CELF5: variants seen among roughly 807,000 people sequenced by gnomAD.
CELF5 encodes CUG-BP and ETR-3 like factor 5.
In CELF5, 6 loss-of-function variants were observed where a neutral mutation model predicts 54.9. That is an observed-to-expected ratio of 0.11 (90% CI 0.06 to 0.22). The LOEUF is 0.22. Among genes scored for constraint, CELF5 ranks in the 10% least tolerant of loss-of-function variants. The pLI is 1.00. For synonymous variants in CELF5, 271 were observed against 290.9 expected (o/e 0.93, Z 0.70); for missense variants, 401 against 678.6 (o/e 0.59, Z 4.54).
intron 2 of CELF5, among the ~76,000 whole-genome samples, chr19:3,255,110 C>G (rs1397153886): frequency 6.6e-6 from 1 of 152,168 alleles, no homozygotes; most frequent in Non-Finnish European, 1.5e-5. Flanking sequence ...GACTGGTCAC[C>G]TCCTGAGTGA....
rs1329467909 is a variant in CELF5, at chr19:3,282,314, C to A, written c.893-38C>A. ...AAGGATGGGTGGGCAGGGCTGGAGC[C>A]AGAACTGGCCTCCCCATGACCCTCT... On this transcript the variant is annotated intron_variant, in intron 7 of 12. Coordinates refer to ENST00000292672, the MANE Select transcript of CELF5 (RefSeq NM_021938.4). The surrounding 1 kb of genome is among the most constrained non-coding windows in gnomAD (Gnocchi z 5.2). 1.2e-6 allele frequency: 2 copies of A among 1,608,576 alleles called. No homozygotes were observed. The highest frequency in any genetic ancestry group is 3.3e-5 in the Admixed American group (2 of 60,010).
chr19:3,274,732 G>C (rs543152090), intron 3 of CELF5, among the ~76,000 whole-genome samples: 17 of 152,268 alleles, frequency 1.1e-4, no homozygotes, highest in Non-Finnish European at 2.4e-4. Context: ...GCCAGATTTG[G>C]TTGAGTGGAG....
At chr19:3,227,676 T>TC (rs1313841858) in intron 1 of CELF5, among the ~76,000 whole-genome samples, 1 of 152,004 alleles carries the variant, frequency 6.6e-6, no homozygotes, top group Non-Finnish European at 1.5e-5. Flanking sequence ...TTGTTTGATT[T>TC]CCCCATGGAA....
At position 3,290,525 on chromosome 19, in the gene CELF5, C is replaced by T. The variant is rs540598323; in HGVS notation, c.1330+151C>T. ...TGTGGCCGGGCACAGTGGATCACGC[C>T]TGTGATCCCAGCACTTTGTTTGTTT... is the stretch of plus-strand genomic sequence containing the variant. On this transcript the variant is annotated intron_variant, in intron 11 of 12. Transcript: ENST00000292672. 1.3e-5 allele frequency: 10 copies of T among 758,280 alleles called. No homozygotes were observed. In the African/African-American group the frequency reaches 1.8e-4, roughly 13 times the overall value. 47.0% of individuals were successfully genotyped at this position (758,280 alleles called of 1,614,324 possible). A position where few individuals can be genotyped will look rare whatever the true frequency, so the allele number is the denominator to read the frequency against.
chr19:3,284,881 A>C, intron 8 of CELF5, 21 bp from the exon 9 acceptor site: 1 of 1,611,530 alleles, frequency 6.2e-7, no homozygotes, highest in Non-Finnish European at 8.5e-7. Flanking sequence ...CGCCCCACTC[A>C]GCCCCTCTGT....
chr19:3,296,434 G>GAAAAAAAAAAAA (rs5826810), intron 12 of CELF5: 512 of 54,276 alleles, frequency 9.4e-3, no homozygotes, highest in Non-Finnish European at 9.8e-3. Context: ...AAACCACACA[G>GAAAAAAAAAAAA]AAAAAAAAAA....
At chr19:3,234,086 A>G (rs1917404780) in intron 1 of CELF5, among the ~76,000 whole-genome samples, 1 of 152,132 alleles carries the variant, frequency 6.6e-6, no homozygotes, top group Admixed American at 6.5e-5. Context: ...ACCCTCCACT[A>G]GGGGGAAGGA....
chr19:3,266,410 G>A (rs2079882726), intron 2 of CELF5, among the ~76,000 whole-genome samples: 1 of 151,162 alleles, frequency 6.6e-6, no homozygotes, highest in Non-Finnish European at 1.5e-5. Flanking sequence ...GTGACAGAGT[G>A]AGACCCAGTA....
intron 1 of CELF5, among the ~76,000 whole-genome samples, chr19:3,240,823 GCCT>G (rs1288400755): frequency 1.3e-5 from 2 of 152,016 alleles, no homozygotes. Context: ...GTCAGGCTCT[GCCT>G]CCTCCTAGCA....
chr19:3,278,433 G>C lies in CELF5; in HGVS notation c.603+323G>C, dbSNP rs1440479984. Among the ~76,000 whole-genome samples the C allele has an allele frequency of 6.6e-6, 1 of 152,026 alleles. No individual in the cohort carries two copies. Among genetic ancestry groups the C allele is most frequent in the African/African-American group, 2.4e-5 (1 of 41,376 alleles). On this transcript the variant is annotated intron_variant, in intron 5 of 12. Coordinates refer to ENST00000292672, the MANE Select transcript of CELF5 (RefSeq NM_021938.4). This position sits in a 1 kb window ranked among gnomAD's most constrained non-coding sequence, Gnocchi z 4.5. The stretch of plus-strand genomic sequence containing the variant: ...CGAGACTGCATGCATGTGTGTGTGT[G>C]AGTGCGTGTTTGAGTGTGTCATTAC...
chr19:3,291,247 C>T (rs2080342854), intron 11 of CELF5, among the ~76,000 whole-genome samples: 1 of 151,636 alleles, frequency 6.6e-6, no homozygotes, highest in Non-Finnish European at 1.5e-5. Flanking sequence ...GCCCAGACAA[C>T]ACAGCAAGAC....
chr19:3,274,720 CA>C (rs953658577), intron 3 of CELF5, among the ~76,000 whole-genome samples: 4 of 152,100 alleles, frequency 2.6e-5, no homozygotes, highest in Non-Finnish European at 1.5e-5. Flanking sequence ...TGAAGGAGGG[CA>C]GCCAGATTTG....
At chr19:3,235,728 G>A (rs1387495957) in intron 1 of CELF5, among the ~76,000 whole-genome samples, 4 of 81,730 alleles carry the variant, frequency 4.9e-5, no homozygotes, top group Non-Finnish European at 8.2e-5. Flanking sequence ...GTGGATGGGT[G>A]GATGGATGGA....
Position 3,248,897 on chromosome 19 carries a change from CCTTCCTTCCTTT to C in CELF5, c.260-2084_260-2073del, listed in dbSNP as rs1485048458. 6.6e-4 allele frequency among the ~76,000 whole-genome samples: 70 copies of C among 106,320 alleles called. 1 individual carries two copies. The highest frequency in any genetic ancestry group is 5.2e-3 in the Middle Eastern group (1 of 192). The allele number at this position is 106,320 out of a possible 152,430, so 69.8% of individuals were successfully genotyped here. On this transcript the variant is annotated intron_variant, in intron 1 of 12. Coordinates refer to ENST00000292672, the MANE Select transcript of CELF5 (RefSeq NM_021938.4). ...TCCTTCCTTCCTTCCTTCCTTCCTTCCTTCCTTCCTTTCTTTCTTTCTTTCTTTCTTTTCTTT... is the reference window on the plus strand; with the variant it reads ...TCCTTCCTTCCTTCCTTCCTTCCTTCCTTTCTTTCTTTCTTTCTTTTCTTT...
At chr19:3,265,589 G>A (rs1046480736) in intron 2 of CELF5, among the ~76,000 whole-genome samples, 1 of 152,132 alleles carries the variant, frequency 6.6e-6, no homozygotes, top group Non-Finnish European at 1.5e-5. Context: ...CGCCATGACA[G>A]TTTACAAACG....
intron 2 of CELF5, among the ~76,000 whole-genome samples, chr19:3,260,621 A>ATTTTTTT (rs34244242): frequency 9.6e-6 from 1 of 104,646 alleles, no homozygotes. Context: ...CACCTGGCTA[A>ATTTTTTT]TTTTTTTTTT....
At position 3,285,939 on chromosome 19, in the gene CELF5, C is replaced by T; in HGVS notation, c.1103-3C>T. ...GCCCTGTGTCTCGCTCCGGTCTCCG[C>T]AGCCATGTACCCCACCGCGGCCATC... On this transcript the variant is annotated splice_polypyrimidine_tract_variant and splice_region_variant and intron_variant, in intron 9 of 12. Transcript: ENST00000292672. The T allele has an allele frequency of 6.4e-7, 1 of 1,574,490 alleles. No individual in the cohort carries two copies. The highest frequency in any genetic ancestry group is 8.6e-7 in the Non-Finnish European group (1 of 1,167,130).
At chr19:3,286,258 A>C in intron 10 of CELF5, 1 of 484,526 alleles carries the variant, frequency 2.1e-6, no homozygotes, top group Non-Finnish European at 3.6e-6. Flanking sequence ...TAGGAATAGC[A>C]GTGACTTCCT....
chr19:3,255,341 C>G (rs923803823), intron 2 of CELF5, among the ~76,000 whole-genome samples: 1 of 152,136 alleles, frequency 6.6e-6, no homozygotes, highest in Non-Finnish European at 1.5e-5. Context: ...TGAGCCACCA[C>G]GCTGGCTAAT....
Sources: allele counts gnomAD v4.1 joint callset (sites outside exome capture counted in the v4.1 genomes callset), GRCh38; gene constraint gnomAD v4.1.1; non-coding constraint Gnocchi (gnomAD v3.1); transcripts MANE v1.5; gene names NCBI Gene and HGNC (gene_info 2026-07-23, HGNC 2026-07-21).